The following CSMD3 variants were observed in gnomAD, a reference collection of about 807,000 sequenced individuals.
CSMD3 encodes the protein CUB and sushi domain-containing protein 3.
In CSMD3, 177 loss-of-function variants were observed where a neutral mutation model predicts 435.2. That is an observed-to-expected ratio of 0.41 (90% CI 0.36 to 0.46). The LOEUF (loss-of-function observed/expected upper bound fraction) is 0.46. Among genes scored for constraint, CSMD3 ranks in the 20% least tolerant of loss-of-function variants. CSMD3 has a pLI of 0.34. For missense variants in CSMD3, 4,265 were observed against 4,504.6 expected, an observed-to-expected ratio of 0.95 and a Z score of 1.52; for synonymous variants, 1,656 against 1,520.5, an observed-to-expected ratio of 1.09 and a Z score of -2.07.
At chr8:112,888,017 A>G (rs2081660736) in intron 10 of CSMD3, among the ~76,000 whole-genome samples, 2 of 151,818 alleles carry the variant, frequency 1.3e-5, no homozygotes, top group African/African-American at 4.8e-5. Flanking sequence ...ATATATAACC[A>G]TAGAACAGAA....
intron 4 of CSMD3, among the ~76,000 whole-genome samples, chr8:113,158,495 C>T (rs1042869745): frequency 5.9e-5 from 9 of 151,988 alleles, no homozygotes; most frequent in African/African-American, 2.2e-4. Context: ...TTGACTCTGT[C>T]AAAGTTCATA....
intron 20 of CSMD3, among the ~76,000 whole-genome samples, chr8:112,641,993 G>A (rs1332812058): frequency 2.0e-5 from 3 of 152,012 alleles, no homozygotes; most frequent in African/African-American, 7.2e-5. Context: ...TTCTAATAAG[G>A]CAGGGAGAAA....
intron 32 of CSMD3, among the ~76,000 whole-genome samples, chr8:112,410,644 A>G (rs1832300009): frequency 2.4e-5 from 2 of 84,554 alleles, no homozygotes; most frequent in Non-Finnish European, 5.4e-5. Flanking sequence ...ATATGTATAT[A>G]TATATGTGTA....
Position 112,994,294 on chromosome 8 carries a change from T to C in CSMD3, c.1031-18146A>G, listed in dbSNP as rs985010618. ...TGTATTTTCATCAGACCTGTCCAAC[T>C]CAATGAACATGTACACACTACTAGC... On this transcript the variant is annotated intron_variant, in intron 6 of 70. Transcript: ENST00000297405. 4.0e-5 allele frequency among the ~76,000 whole-genome samples: 6 copies of C among 151,690 alleles called. No individual in the cohort carries two copies. The Admixed American group carries it at 4.0e-4, about 10-fold the overall frequency.
chr8:112,497,663 T>G (rs1821496781), intron 30 of CSMD3, among the ~76,000 whole-genome samples: 1 of 152,022 alleles, frequency 6.6e-6, no homozygotes, highest in Non-Finnish European at 1.5e-5. Context: ...GGGCCTCAAT[T>G]TATATGTCCA....
intron 11 of CSMD3, among the ~76,000 whole-genome samples, chr8:112,840,090 A>T (rs2080136844): frequency 6.6e-6 from 1 of 151,706 alleles, no homozygotes; most frequent in African/African-American, 2.4e-5. Context: ...CAAGCAACTT[A>T]GGCAGGAGTC....
intron 4 of CSMD3, among the ~76,000 whole-genome samples, chr8:113,113,685 A>G (rs867791167): frequency 1.6e-4 from 25 of 152,164 alleles, no homozygotes; most frequent in Admixed American, 1.5e-3. Context: ...ATGAAAGTAA[A>G]AGTTCTCTAT....
At chr8:112,276,147 C>T (rs554841959) in intron 59 of CSMD3, among the ~76,000 whole-genome samples, 6 of 152,250 alleles carry the variant, frequency 3.9e-5, no homozygotes, top group African/African-American at 1.2e-4. Flanking sequence ...CACACAAGTC[C>T]AAAATCCAGC....
chr8:112,985,651 C>G (rs548818066), intron 6 of CSMD3, among the ~76,000 whole-genome samples: 1 of 152,198 alleles, frequency 6.6e-6, no homozygotes, highest in East Asian at 1.9e-4. Flanking sequence ...GTATTTACAG[C>G]TACTCCCCAT....
At chr8:112,855,809 C>CTTTTTTTTTTTTTTTTTTTT (rs34885472) in intron 11 of CSMD3, among the ~76,000 whole-genome samples, 3 of 135,572 alleles carry the variant, frequency 2.2e-5, no homozygotes, top group Non-Finnish European at 1.6e-5. Flanking sequence ...CTTAGCGAAG[C>CTTTTTTTTTTTTTTTTTTTT]TTTTTTTTTT....
At chr8:112,876,685 T>G (rs541525477) in intron 10 of CSMD3, among the ~76,000 whole-genome samples, 4 of 152,016 alleles carry the variant, frequency 2.6e-5, no homozygotes, top group Non-Finnish European at 5.9e-5. Context: ...GCATTCCCTT[T>G]GAAAACCAGC....
intron 10 of CSMD3, among the ~76,000 whole-genome samples, chr8:112,882,180 C>T (rs1190036119): frequency 8.6e-5 from 13 of 151,810 alleles, no homozygotes; most frequent in Admixed American, 8.6e-4. Context: ...GTCTTTATGT[C>T]AAAAGGAAAA....
At chr8:113,392,858 G>T (rs759595889) in intron 1 of CSMD3, among the ~76,000 whole-genome samples, 3 of 151,800 alleles carry the variant, frequency 2.0e-5, no homozygotes, top group Non-Finnish European at 4.4e-5. Context: ...AACTGAGGAA[G>T]AAAATTGCTT....
chr8:112,472,502 T>C (rs1282138234), intron 32 of CSMD3, 89 bp downstream of exon 32: 4 of 785,654 alleles, frequency 5.1e-6, no homozygotes, highest in Non-Finnish European at 9.3e-6. Context: ...GGATAGCACG[T>C]ATTTTCATTT....
At chr8:112,325,118 T>C (rs2130894717) in intron 45 of CSMD3, among the ~76,000 whole-genome samples, 1 of 152,260 alleles carries the variant, frequency 6.6e-6, no homozygotes, top group Non-Finnish European at 1.5e-5. Flanking sequence ...ATGTGGCCTA[T>C]CATTCTTACT....
At chr8:112,396,262 C>T (rs773484204) in intron 35 of CSMD3, among the ~76,000 whole-genome samples, 2 of 152,098 alleles carry the variant, frequency 1.3e-5, no homozygotes, top group Non-Finnish European at 2.9e-5. Context: ...CAATTGGATG[C>T]TGACTTGGCT....
At chr8:112,952,941 A>G (rs1289273100) in intron 8 of CSMD3, among the ~76,000 whole-genome samples, 2 of 151,432 alleles carry the variant, frequency 1.3e-5, no homozygotes, top group Non-Finnish European at 3.0e-5. Context: ...ATGTACAAGA[A>G]AAGTGGAAAT....
intron 10 of CSMD3, among the ~76,000 whole-genome samples, chr8:112,896,962 C>T (rs139857187): frequency 0.012 from 1,764 of 151,550 alleles, 11 homozygotes; most frequent in Admixed American, 0.017. Flanking sequence ...TCTACCTCCT[C>T]TGGCTTTCTA....
intron 2 of CSMD3, among the ~76,000 whole-genome samples, chr8:113,304,927 A>G (rs1200445942): frequency 2.0e-5 from 3 of 148,942 alleles, no homozygotes; most frequent in South Asian, 2.1e-4. Flanking sequence ...AAAAAAAAAA[A>G]AAAGAAAATG....
Sources: allele counts gnomAD v4.1 joint callset (sites outside exome capture counted in the v4.1 genomes callset), GRCh38; gene constraint gnomAD v4.1.1; transcripts MANE v1.5; gene names NCBI Gene and HGNC (gene_info 2026-07-23, HGNC 2026-07-21).